ACVRL1: variants seen among roughly 807,000 people sequenced by gnomAD.
The protein encoded by ACVRL1 is activin receptor type-1-like.
A neutral mutation model predicts 51.9 loss-of-function variants in ACVRL1; 20 were observed. The ratio of observed to expected loss-of-function variants is 0.39; its 90% CI spans 0.27 to 0.56. The LOEUF (loss-of-function observed/expected upper bound fraction) is 0.56. Among genes scored for constraint, ACVRL1 ranks in the 20% least tolerant of loss-of-function variants. The pLI, the probability that ACVRL1 is intolerant of heterozygous loss-of-function variation, is 0.67. For missense variants in ACVRL1, 451 were observed against 670.3 expected, an observed-to-expected ratio of 0.67 and a Z score of 3.61; for synonymous variants, 288 against 280.9, an observed-to-expected ratio of 1.03 and a Z score of -0.25.
chr12:51,914,680 A>G (rs1485167906), intron 6 of ACVRL1, 95 bp downstream of exon 6: 1 of 1,350,198 alleles, frequency 7.4e-7, no homozygotes, highest in Non-Finnish European at 1.0e-6. Flanking sequence ...CAGAACCCTG[A>G]AGGACTCTCA....
chr12:51,912,071 G>C (rs183765052), intron 1 of ACVRL1, among the ~76,000 whole-genome samples: 22 of 152,282 alleles, frequency 1.4e-4, no homozygotes, highest in Admixed American at 1.4e-3. Context: ...GTAGGCAGGG[G>C]TGGAAGCTGT....
intron 9 of ACVRL1, among the ~76,000 whole-genome samples, chr12:51,919,884 C>T (rs1036846498): frequency 6.6e-5 from 10 of 152,186 alleles, no homozygotes; most frequent in African/African-American, 2.2e-4. Flanking sequence ...CTGTTGGCCC[C>T]GTGAGGACAA....
In ACVRL1 at chr12:51,915,456, A is replaced by G. The variant is rs1060503247; in HGVS notation, c.1004A>G (p.Asn335Ser). The G allele has an allele frequency of 6.2e-7, 1 of 1,613,168 alleles. No individual in the cohort carries two copies. Among genetic ancestry groups the G allele is most frequent in the Non-Finnish European group, 8.5e-7 (1 of 1,179,990 alleles). Reference sequence around the variant, plus strand: ...GCCCACCGCGACTTCAAGAGCCGCAATGTGCTGGTCAAGAGCAACCTGCAG... The same window carrying G: ...GCCCACCGCGACTTCAAGAGCCGCAGTGTGCTGGTCAAGAGCAACCTGCAG... ...AIAHRDFKSR[N>S]VLVKSNLQCC... Residue 335 changes from asparagine to serine, a missense_variant, in exon 7 of 10, where the codon AAT (asparagine) becomes AGT (serine). Physicochemically the swap from Asn to Ser is conservative, Grantham distance 46. Transcript: ENST00000388922.
intron 1 of ACVRL1, among the ~76,000 whole-genome samples, chr12:51,908,885 C>T (rs779161846): frequency 6.2e-4 from 95 of 152,228 alleles, no homozygotes; most frequent in Non-Finnish European, 1.1e-3. Context: ...CTCTGTGCTA[C>T]ACTGTGCTGC....
At position 51,907,785 on chromosome 12, in the gene ACVRL1, C is replaced by A. The variant is rs1014868554; in HGVS notation, c.-6+90C>A. On this transcript the variant is annotated intron_variant, in intron 1 of 9. Transcript: ENST00000388922. The surrounding 1 kb of genome is among the most constrained non-coding windows in gnomAD (Gnocchi z 4.5). ...TCCTTCGGGCGGACCCCAGAGTCAC[C>A]GCAGAGTGGTCGCGGGAGGCTCAGT... The A allele has an allele frequency of 2.0e-5, 3 of 152,298 alleles. No homozygotes were observed. Among genetic ancestry groups the A allele is most frequent in the Non-Finnish European group, 4.4e-5 (3 of 68,084 alleles). 9.4% of individuals were successfully genotyped at this position (152,298 alleles called of 1,614,324 possible). A position where few individuals can be genotyped will look rare whatever the true frequency, so the allele number is the denominator to read the frequency against.
chr12:51,907,819 A>T lies in ACVRL1; in HGVS notation c.-6+124A>T, dbSNP rs913350228. 3.3e-5 allele frequency: 5 copies of T among 152,420 alleles called. No individual in the cohort carries two copies. The highest frequency in any genetic ancestry group is 7.3e-5 in the Non-Finnish European group (5 of 68,080). The allele number at this position is 152,420 out of a possible 1,614,324, so 9.4% of individuals were successfully genotyped here. A position where few individuals can be genotyped will look rare whatever the true frequency, so the allele number is the denominator to read the frequency against. On this transcript the variant is annotated intron_variant, in intron 1 of 9. Transcript: ENST00000388922. This position sits in a 1 kb window ranked among gnomAD's most constrained non-coding sequence, Gnocchi z 4.5. ...GTCGCGGGAGGCTCAGTCCCAGCTC[A>T]TTAGAAAGGCAAGCTGCTCCTGGCT...
At chr12:51,914,166 T>G (rs1592223118) in intron 5 of ACVRL1, 93 bp downstream of exon 5, 1 of 1,407,184 alleles carries the variant, frequency 7.1e-7, no homozygotes, top group South Asian at 1.2e-5. Context: ...TCACAGGCGG[T>G]GCCAGGCCTG....
At chr12:51,913,057 G>T (rs1418211920) in intron 2 of ACVRL1, 42 bp from the exon 3 acceptor site, 2 of 1,589,236 alleles carry the variant, frequency 1.3e-6, no homozygotes, top group Admixed American at 1.7e-5. Context: ...CAGCCTGGGG[G>T]AGCTGGGACC....
rs1265500521 is a variant in ACVRL1 at position 51,919,158 on chromosome 12, C to T, written c.1377+43C>T. The T allele has an allele frequency of 1.2e-5, 19 of 1,613,140 alleles. 1 individual carries two copies. Among genetic ancestry groups the T allele is most frequent in the Non-Finnish European group, 1.4e-5 (16 of 1,179,548 alleles). On this transcript the variant is annotated intron_variant, in intron 9 of 9. Coordinates refer to ENST00000388922, the MANE Select transcript of ACVRL1 (RefSeq NM_000020.3). ...ACTAGGATGGCGTGGGGTGGTGGCT[C>T]ATGGCTGGGATTTCTGGGCCCAGGA...
chr12:51,912,488 C>T lies in ACVRL1; in HGVS notation c.14C>T (p.Ser5Phe). Residue 5 changes from serine to phenylalanine, a missense_variant, in exon 2 of 10, where the codon TCC (serine) becomes TTC (phenylalanine). Around this residue, in one of 2 missense-constraint regions of ACVRL1, gnomAD observed 192 missense variants for 216.9 expected, o/e 0.89. Transcript: ENST00000388922. The stretch of plus-strand genomic sequence containing the variant: ...TCTGCAGGGACCATGACCTTGGGCT[C>T]CCCCAGGAAAGGCCTTCTGATGCTG... The part of the protein sequence containing the change: MTLG[S>F]PRKGLLMLLM... 1 of 1,614,148 alleles carries T rather than the reference C, an allele frequency of 6.2e-7. No homozygotes were observed. The highest frequency in any genetic ancestry group is 1.1e-5 in the South Asian group (1 of 91,080).
intron 9 of ACVRL1, among the ~76,000 whole-genome samples, chr12:51,920,105 G>A (rs1940935825): frequency 6.6e-6 from 1 of 151,158 alleles, no homozygotes; most frequent in African/African-American, 2.5e-5. Context: ...ACTTTCAGGA[G>A]CCAGAAGTGG....
In ACVRL1 at chr12:51,921,259, G is replaced by A. The variant is rs1277944714; in HGVS notation, c.*366G>A. 6 of 349,998 alleles carry A rather than the reference G, an allele frequency of 1.7e-5. No individual in the cohort carries two copies. The highest frequency in any genetic ancestry group is 8.5e-5 in the African/African-American group (4 of 47,066). 21.7% of individuals were successfully genotyped at this position (349,998 alleles called of 1,614,324 possible). On this transcript the variant is annotated 3_prime_UTR_variant, in exon 10 of 10. Transcript: ENST00000388922. The stretch of plus-strand genomic sequence containing the variant: ...AGCCCGGGCCTGCACTTTGCCCCCT[G>A]CCCTTGATCAACCCCACTGCCCCAC...
At position 51,917,476 on chromosome 12, in the gene ACVRL1, A is replaced by G. The variant is rs1940867581; in HGVS notation, c.1246+1243A>G. On this transcript the variant is annotated intron_variant, in intron 8 of 9. Transcript: ENST00000388922. This position sits in a 1 kb window ranked among gnomAD's most constrained non-coding sequence, Gnocchi z 4.2. Reference sequence around the variant, plus strand: ...GTCTAGACTGGTGGGAGCATTGTCAACCTTTGAGGAGGCTGTCCATGGTGA... The same window carrying G: ...GTCTAGACTGGTGGGAGCATTGTCAGCCTTTGAGGAGGCTGTCCATGGTGA... Among the ~76,000 whole-genome samples, 1 of 152,130 alleles carries G rather than the reference A, an allele frequency of 6.6e-6. No individual in the cohort carries two copies. Among genetic ancestry groups the G allele is most frequent in the Non-Finnish European group, 1.5e-5 (1 of 68,024 alleles).
intron 9 of ACVRL1, among the ~76,000 whole-genome samples, chr12:51,920,061 A>G (rs907019981): frequency 2.0e-5 from 3 of 152,228 alleles, no homozygotes; most frequent in African/African-American, 7.2e-5. Context: ...AAAAAGCCAC[A>G]TGTATGCATT....
Position 51,920,836 on chromosome 12 carries a change from C to A in ACVRL1, c.1455C>A (p.Ile485=). The change falls in exon 10 of 10, where the codon ATC becomes ATA. Residue 485 remains isoleucine, a synonymous_variant. Transcript: ENST00000388922. ...NPSARLTALR[I]KKTLQKISNS... ...CTGCCCGACTCACCGCGCTGCGGAT[C>A]AAGAAGACACTACAAAAAATTAGCA... 1.3e-6 allele frequency: 2 copies of A among 1,580,554 alleles called. No individual in the cohort carries two copies. The highest frequency in any genetic ancestry group is 1.7e-6 in the Non-Finnish European group (2 of 1,159,154).
At chr12:51,916,284 C>A (rs1326023447) in intron 8 of ACVRL1, 51 bp downstream of exon 8, 1 of 1,580,368 alleles carries the variant, frequency 6.3e-7, no homozygotes, top group Admixed American at 1.8e-5. Context: ...GCCTGTGGAG[C>A]CAGGGGCTTC....
chr12:51,912,672 T>C (rs1592221117), intron 2 of ACVRL1, 137 bp downstream of exon 2: 1 of 772,864 alleles, frequency 1.3e-6, no homozygotes, highest in East Asian at 2.7e-5. Context: ...TGGAGGACAG[T>C]GAGGCTCCAT....
At position 51,921,017 on chromosome 12, in the gene ACVRL1, G is replaced by A. The variant is rs1006358482; in HGVS notation, c.*124G>A. On this transcript the variant is annotated 3_prime_UTR_variant, in exon 10 of 10. Coordinates refer to ENST00000388922, the MANE Select transcript of ACVRL1 (RefSeq NM_000020.3). ...GTGCTGGGGATGGGCAGCTGCGCCT[G>A]CCTGCTCGGCCCCCAGCCCACCCAG... The A allele has an allele frequency of 4.2e-6, 5 of 1,204,340 alleles. No homozygotes were observed. The highest frequency in any genetic ancestry group is 4.0e-5 in the Admixed American group (2 of 50,160). 74.6% of individuals were successfully genotyped at this position (1,204,340 alleles called of 1,614,324 possible). A position where few individuals can be genotyped will look rare whatever the true frequency, so the allele number is the denominator to read the frequency against.
chr12:51,920,667 C>T, intron 9 of ACVRL1, 92 bp from the exon 10 acceptor site: 1 of 1,443,554 alleles, frequency 6.9e-7, no homozygotes, highest in Admixed American at 1.9e-5. Context: ...TTCTCTGACC[C>T]ACCTCCCTCT....
Sources: gnomAD v4.1 joint callset for allele counts (sites outside exome capture counted in the v4.1 genomes callset) on GRCh38, gnomAD v4.1.1 for gene constraint, gnomAD v4.1.1 regional missense constraint, Gnocchi (gnomAD v3.1) non-coding constraint, MANE v1.5 for transcripts, NCBI Gene and HGNC (gene_info 2026-07-23, HGNC 2026-07-21) for gene names.